The following VGLL1 variants were observed in gnomAD, a reference collection of about 807,000 sequenced individuals.
VGLL1 encodes transcription cofactor vestigial-like protein 1.
VGLL1 carries 4 observed loss-of-function variants against 12.0 expected under a neutral mutation model. That is an observed-to-expected ratio of 0.33 (90% CI 0.16 to 0.76). The LOEUF is 0.76. Ranked by LOEUF, VGLL1 falls within the 30% of genes least tolerant of loss-of-function variation. The probability of loss-of-function intolerance (pLI) is 0.60; values close to 1 mark genes in which losing one functional copy is unlikely to be tolerated. For missense variants in VGLL1, 204 were observed against 208.7 expected (o/e 0.98, Z 0.14); for synonymous variants, 87 against 81.2 (o/e 1.07, Z -0.39).
chrX:136,554,327 G>A (rs1314738313), intron 4 of VGLL1, among the ~76,000 whole-genome samples: 2 of 110,035 alleles, frequency 1.8e-5, no homozygotes, highest in African/African-American at 6.6e-5. Context: ...AGAGATGGAG[G>A]GAGGTGGAGG....
intron 4 of VGLL1, among the ~76,000 whole-genome samples, chrX:136,551,287 A>G (rs1049404065): frequency 3.6e-5 from 4 of 110,404 alleles, no homozygotes; most frequent in Non-Finnish European, 7.6e-5. Flanking sequence ...ACCCAGAAAA[A>G]TTAAGAAATT....
intron 2 of VGLL1, among the ~76,000 whole-genome samples, chrX:136,546,672 G>C (rs1423653002): frequency 8.9e-6 from 1 of 112,466 alleles, no homozygotes; most frequent in Admixed American, 9.4e-5. Flanking sequence ...TATGAGATCT[G>C]TAAGGCCTGT....
intron 3 of VGLL1, 123 bp downstream of exon 3, chrX:136,549,131 A>G (rs947899246): frequency 8.2e-5 from 58 of 709,201 alleles, no homozygotes; most frequent in Non-Finnish European, 1.1e-4. Context: ...CTGCTGAGGG[A>G]AGGGATGTTC....
rs574003498 is a variant in VGLL1 at position 136,543,243 on chromosome X, G to T, written c.215-5346G>T. On this transcript the variant is annotated intron_variant, in intron 2 of 4. Coordinates refer to ENST00000370634, the MANE Select transcript of VGLL1 (RefSeq NM_016267.4). ...GGGAAGGAACTGAGAGGCCCCCCTGGTGCCCTGGAACAGCACAATCTCCTC... is the reference window on the plus strand; with the variant it reads ...GGGAAGGAACTGAGAGGCCCCCCTGTTGCCCTGGAACAGCACAATCTCCTC... Among the ~76,000 whole-genome samples, 5 of 111,773 alleles carry T rather than the reference G, an allele frequency of 4.5e-5. No individual in the cohort carries two copies. In the South Asian group the frequency reaches 1.5e-3, roughly 34 times the overall value.
chrX:136,542,251 A>C (rs1424846842), intron 2 of VGLL1, among the ~76,000 whole-genome samples: 2 of 111,326 alleles, frequency 1.8e-5, no homozygotes, highest in Admixed American at 1.9e-4. Flanking sequence ...AGATATAGTC[A>C]TGCTAGTTGT....
intron 4 of VGLL1, among the ~76,000 whole-genome samples, chrX:136,553,496 G>A (rs1302389333): frequency 9.1e-6 from 1 of 110,430 alleles, no homozygotes; most frequent in East Asian, 2.8e-4. Flanking sequence ...ATTTTTAGTA[G>A]AGATGGGGTT....
chrX:136,541,250 C>G (rs1335924484), intron 2 of VGLL1, among the ~76,000 whole-genome samples: 2 of 112,178 alleles, frequency 1.8e-5, no homozygotes, highest in East Asian at 5.6e-4. Flanking sequence ...CTGTTCCTTG[C>G]CCAAGCCAGC....
chrX:136,544,966 T>A (rs942050743), intron 2 of VGLL1, among the ~76,000 whole-genome samples: 2 of 112,298 alleles, frequency 1.8e-5, no homozygotes, highest in Non-Finnish European at 3.8e-5. Flanking sequence ...TCACGTTGAT[T>A]GTGCTGAGTG....
intron 2 of VGLL1, among the ~76,000 whole-genome samples, chrX:136,540,778 G>A (rs888728891): frequency 9.0e-6 from 1 of 111,249 alleles, no homozygotes. Flanking sequence ...TTGATCACAA[G>A]GTGTTGACCC....
chrX:136,532,233 G>A lies in VGLL1; in HGVS notation c.-89G>A, dbSNP rs3027855. On this transcript the variant is annotated 5_prime_UTR_variant, in exon 1 of 5. Transcript: ENST00000370634. Reference sequence around the variant, plus strand: ...CGCAAGCACTAACCTGCTCTGAAGTGAGCCAGGCAGCTCTGGCCATCTTTT... The same window carrying A: ...CGCAAGCACTAACCTGCTCTGAAGTAAGCCAGGCAGCTCTGGCCATCTTTT... The A allele has an allele frequency of 6.3e-5, 7 of 111,789 alleles. No individual in the cohort carries two copies. In the East Asian group the frequency reaches 2.0e-3, roughly 31 times the overall value. 9.2% of individuals were successfully genotyped at this position (111,789 alleles called of 1,213,427 possible). A position where few individuals can be genotyped will look rare whatever the true frequency, so the allele number is the denominator to read the frequency against.
chrX:136,549,707 A>G (rs2075880270), intron 3 of VGLL1, among the ~76,000 whole-genome samples: 1 of 111,325 alleles, frequency 9.0e-6, no homozygotes, highest in Non-Finnish European at 1.9e-5. Context: ...CGCCTACCAG[A>G]TGCAAAATAT....
intron 3 of VGLL1, among the ~76,000 whole-genome samples, chrX:136,549,239 G>T (rs750451153): frequency 8.9e-6 from 1 of 111,988 alleles, no homozygotes; most frequent in Admixed American, 9.4e-5. Context: ...GACTTGGCCC[G>T]AAGTACTCAC....
At chrX:136,536,915 C>T (rs1260681536) in intron 2 of VGLL1, among the ~76,000 whole-genome samples, 1 of 112,015 alleles carries the variant, frequency 8.9e-6, no homozygotes, top group Non-Finnish European at 1.9e-5. Flanking sequence ...CTTGAAATTT[C>T]CATAAAAGAC....
chrX:136,553,884 T>C (rs1244011653), intron 4 of VGLL1, among the ~76,000 whole-genome samples: 1 of 112,082 alleles, frequency 8.9e-6, no homozygotes, highest in East Asian at 2.8e-4. Context: ...GAGAAAGACA[T>C]TCTGGAGGTT....
At chrX:136,551,395 C>G (rs898242921) in intron 4 of VGLL1, among the ~76,000 whole-genome samples, 9 of 111,642 alleles carry the variant, frequency 8.1e-5, no homozygotes, top group South Asian at 3.8e-4. Context: ...AAAATGTCAA[C>G]TGAGGCATGA....
chrX:136,532,812 G>A (rs957684154), intron 1 of VGLL1, among the ~76,000 whole-genome samples: 2 of 107,860 alleles, frequency 1.9e-5, no homozygotes, highest in African/African-American at 6.8e-5. Context: ...TAATTATGCC[G>A]TTCTGGCGGT....
chrX:136,542,574 AT>A (rs1383062065), intron 2 of VGLL1, among the ~76,000 whole-genome samples: 1 of 112,317 alleles, frequency 8.9e-6, no homozygotes, highest in Non-Finnish European at 1.9e-5. Flanking sequence ...GTTTATGAAA[AT>A]TCCCCCAGCT....
At chrX:136,550,861 T>A (rs2075883887) in intron 4 of VGLL1, 40 bp downstream of exon 4, 1 of 1,142,798 alleles carries the variant, frequency 8.8e-7, no homozygotes, top group Non-Finnish European at 1.2e-6. Flanking sequence ...TGTGTCTGTA[T>A]CCTGAGAACG....
intron 2 of VGLL1, among the ~76,000 whole-genome samples, chrX:136,548,087 G>T (rs763797195): frequency 9.9e-5 from 11 of 111,179 alleles, no homozygotes; most frequent in African/African-American, 3.6e-4. Context: ...TGCAACATCC[G>T]CCTCCTGGGC....
Sources: gnomAD v4.1 joint callset for allele counts (sites outside exome capture counted in the v4.1 genomes callset) on GRCh38, gnomAD v4.1.1 for gene constraint, MANE v1.5 for transcripts, NCBI Gene and HGNC (gene_info 2026-07-23, HGNC 2026-07-21) for gene names.